The following ASB5 variants were observed in gnomAD, a reference collection of about 807,000 sequenced individuals.
ASB5 encodes the protein ankyrin repeat and SOCS box containing 5.
ASB5 carries 45 observed loss-of-function variants against 42.1 expected under a neutral mutation model. The ratio of observed to expected loss-of-function variants is 1.07; its 90% CI spans 0.84 to 1.37. ASB5 has a LOEUF of 1.37. Among genes scored for constraint, ASB5 ranks in the 40% most tolerant of loss-of-function variants. The pLI is 0.00. For missense variants in ASB5, 402 were observed against 399.8 expected (o/e 1.01, Z -0.05); for synonymous variants, 147 against 150.6 (o/e 0.98, Z 0.18).
chr4:176,230,842 T>A (rs1178145890), intron 1 of ASB5, among the ~76,000 whole-genome samples: 1 of 152,244 alleles, frequency 6.6e-6, no homozygotes, highest in Non-Finnish European at 1.5e-5. Context: ...TGTTAGACTT[T>A]CATTGAGTGT....
chr4:176,220,033 A>C (rs111940534), intron 5 of ASB5, among the ~76,000 whole-genome samples: 24 of 152,306 alleles, frequency 1.6e-4, no homozygotes, highest in African/African-American at 5.8e-4. Flanking sequence ...GAGCTAAAAC[A>C]AACAAACAAA....
At chr4:176,270,972 G>A (rs1754459067), upstream of ASB5, among the ~76,000 whole-genome samples, 1 of 152,124 alleles carries the variant, frequency 6.6e-6, no homozygotes, top group South Asian at 2.1e-4. Flanking sequence ...ACCAGTAAGT[G>A]CTATCATAAA....
chr4:176,242,367 A>G (rs1368459055), intron 1 of ASB5, among the ~76,000 whole-genome samples: 1 of 152,192 alleles, frequency 6.6e-6, no homozygotes, highest in Non-Finnish European at 1.5e-5. Context: ...AGAAGTCACT[A>G]GTAAAATTAT....
chr4:176,233,455 C>A lies in ASB5; in HGVS notation c.197-8114G>T, dbSNP rs557759793. On this transcript the variant is annotated intron_variant, in intron 1 of 6. Coordinates refer to ENST00000296525, the MANE Select transcript of ASB5 (RefSeq NM_080874.4). ...GGCATCTCAATCCATTTCTAAAAGC[C>A]AGCATCTTTCTCTTAAGATTAGCTA... Among the ~76,000 whole-genome samples, 3 of 151,402 alleles carry A rather than the reference C, an allele frequency of 2.0e-5. No homozygotes were observed. In the South Asian group the frequency reaches 6.3e-4, roughly 32 times the overall value.
intron 1 of ASB5, among the ~76,000 whole-genome samples, chr4:176,264,331 T>G (rs1489401190): frequency 2.0e-5 from 3 of 152,136 alleles, no homozygotes; most frequent in African/African-American, 7.2e-5. Flanking sequence ...AGAAGTGGAC[T>G]TACAACTCAA....
In ASB5 at chr4:176,222,395, A is replaced by G. The variant is rs745881429; in HGVS notation, c.302T>C (p.Leu101Ser). The change falls in exon 3 of 7, where the codon TTA (leucine) becomes TCA (serine). Residue 101 changes from leucine (L) to serine (S), a missense_variant. By Grantham distance (145) the Leu-to-Ser change is moderately radical. Coordinates refer to ENST00000296525, the MANE Select transcript of ASB5 (RefSeq NM_080874.4). ...TTCGTGCAATGGGGTGACATGGTCT[A>G]AGGTTACTGCATTTACATTATAACC... ...SQGYNVNAVTLDHVTPLHEAC... is the reference protein window; with the variant it reads ...SQGYNVNAVTSDHVTPLHEAC... 1 of 1,613,718 alleles carries G rather than the reference A, an allele frequency of 6.2e-7. No homozygotes were observed. Among genetic ancestry groups the G allele is most frequent in the East Asian group, 2.2e-5 (1 of 44,886 alleles).
chr4:176,229,538 G>A (rs1270273840), intron 1 of ASB5, among the ~76,000 whole-genome samples: 1 of 152,108 alleles, frequency 6.6e-6, no homozygotes, highest in Non-Finnish European at 1.5e-5. Context: ...TAGAAAGCAG[G>A]CCACATAAGG....
At chr4:176,224,221 A>ATTTTTTTTTTTTTTTT (rs869080360) in intron 2 of ASB5, among the ~76,000 whole-genome samples, 1 of 87,218 alleles carries the variant, frequency 1.1e-5, no homozygotes, top group African/African-American at 4.8e-5. Flanking sequence ...TGTGCATTTG[A>ATTTTTTTTTTTTTTTT]TTTTTTTTTT....
At chr4:176,272,286 C>T (rs184234942), upstream of ASB5, among the ~76,000 whole-genome samples, 71 of 152,204 alleles carry the variant, frequency 4.7e-4, no homozygotes, top group Middle Eastern at 3.4e-3. Context: ...AAAGTAATTG[C>T]GGTTTTTGCA....
chr4:176,268,520 C>T (rs1337939155), intron 1 of ASB5, among the ~76,000 whole-genome samples: 2 of 152,050 alleles, frequency 1.3e-5, no homozygotes, highest in African/African-American at 2.4e-5. Flanking sequence ...TAAAATTATA[C>T]AATCCAGGTA....
chr4:176,270,609 C>T (rs1456043207), upstream of ASB5, among the ~76,000 whole-genome samples: 1 of 152,122 alleles, frequency 6.6e-6, no homozygotes, highest in Non-Finnish European at 1.5e-5. Context: ...GTATCATTTT[C>T]AGAGGCAGAA....
chr4:176,257,333 C>A (rs11133138), intron 1 of ASB5, among the ~76,000 whole-genome samples: 2 of 152,056 alleles, frequency 1.3e-5, no homozygotes, highest in African/African-American at 2.4e-5. Context: ...TGACCAAATG[C>A]GCCCAGGAAA....
chr4:176,269,891 G>A (rs754930870), upstream of ASB5, among the ~76,000 whole-genome samples: 8 of 152,128 alleles, frequency 5.3e-5, no homozygotes, highest in Non-Finnish European at 1.2e-4. Flanking sequence ...AGCACAAAGA[G>A]GAAGCATGTA....
At chr4:176,225,388 G>A (rs749825572) in intron 1 of ASB5, 47 bp from the exon 2 acceptor site, 2 of 1,508,792 alleles carry the variant, frequency 1.3e-6, no homozygotes, top group African/African-American at 1.4e-5. Context: ...AAATCCAAGA[G>A]TCAAAGTGAA....
chr4:176,226,433 TG>T (rs765529734), intron 1 of ASB5, among the ~76,000 whole-genome samples: 11 of 152,156 alleles, frequency 7.2e-5, no homozygotes, highest in Non-Finnish European at 1.0e-4. Flanking sequence ...GTACTTGGAC[TG>T]AGCCACGCTA....
chr4:176,221,747 A>G, intron 3 of ASB5, 147 bp from the exon 4 acceptor site: 1 of 725,084 alleles, frequency 1.4e-6, no homozygotes. Flanking sequence ...CTTTGCTCTT[A>G]TGCATTAACA....
intron 1 of ASB5, among the ~76,000 whole-genome samples, chr4:176,243,035 C>A (rs560899122): frequency 6.6e-6 from 1 of 152,118 alleles, no homozygotes; most frequent in Non-Finnish European, 1.5e-5. Context: ...TCTATATTTT[C>A]TTTTACATAA....
chr4:176,237,017 T>C (rs1210600008), intron 1 of ASB5, among the ~76,000 whole-genome samples: 3 of 152,214 alleles, frequency 2.0e-5, no homozygotes, highest in Non-Finnish European at 4.4e-5. Flanking sequence ...CTTGTTTCCA[T>C]ACCAACTTAG....
intron 1 of ASB5, among the ~76,000 whole-genome samples, chr4:176,265,484 C>T (rs1403599103): frequency 2.6e-5 from 4 of 152,042 alleles, no homozygotes; most frequent in Admixed American, 6.6e-5. Context: ...TTATGTATAC[C>T]GTATCCTCAG....
Sources: gnomAD v4.1 joint callset for allele counts (sites outside exome capture counted in the v4.1 genomes callset) on GRCh38, gnomAD v4.1.1 for gene constraint, MANE v1.5 for transcripts, NCBI Gene and HGNC (gene_info 2026-07-23, HGNC 2026-07-21) for gene names.